The following NPAS3 variants were observed in gnomAD, a reference collection of about 807,000 sequenced individuals.
NPAS3 encodes neuronal PAS domain-containing protein 3.
In NPAS3, 14 loss-of-function variants were observed where a neutral mutation model predicts 73.1. The ratio of observed to expected loss-of-function variants is 0.19; its 90% CI spans 0.13 to 0.30. NPAS3 has a LOEUF of 0.30. NPAS3 is among the 10% of genes least tolerant of loss of function. NPAS3 has a pLI of 1.00. For synonymous variants in NPAS3, 620 were observed against 541.5 expected (o/e 1.14, Z -2.01); for missense variants, 1,096 against 1,250.0 (o/e 0.88, Z 1.86).
intron 2 of NPAS3, among the ~76,000 whole-genome samples, chr14:33,067,714 T>C (rs922350693): frequency 3.2e-4 from 48 of 152,328 alleles, no homozygotes; most frequent in African/African-American, 1.2e-3. Flanking sequence ...AGCTCGGGTG[T>C]AACATGGCTG....
chr14:33,271,676 G>C lies in NPAS3; in HGVS notation c.385+56250G>C, dbSNP rs929246796. Among the ~76,000 whole-genome samples the C allele has an allele frequency of 1.2e-4, 18 of 151,980 alleles. 1 individual carries two copies. Among genetic ancestry groups the C allele is most frequent in the African/African-American group, 3.9e-4 (16 of 41,366 alleles). On this transcript the variant is annotated intron_variant, in intron 3 of 11. Transcript: ENST00000356141. Reference sequence around the variant, plus strand: ...CCTGATTTTAAAAAATTCCTCCCTGGTTTGCTTGCTCTACCATCTGGTTCC... The same window carrying C: ...CCTGATTTTAAAAAATTCCTCCCTGCTTTGCTTGCTCTACCATCTGGTTCC...
At chr14:33,053,330 T>C (rs1321346605) in intron 1 of NPAS3, among the ~76,000 whole-genome samples, 2 of 152,248 alleles carry the variant, frequency 1.3e-5, no homozygotes, top group African/African-American at 4.8e-5. Context: ...TGACTTCTTG[T>C]AACTAATTAT....
intron 2 of NPAS3, among the ~76,000 whole-genome samples, chr14:33,101,233 C>A (rs1336063747): frequency 2.0e-5 from 3 of 152,050 alleles, no homozygotes; most frequent in Admixed American, 2.0e-4. Flanking sequence ...AGTCTCTTCC[C>A]TTATTCAAAA....
Position 33,476,196 on chromosome 14 carries a change from T to C in NPAS3, c.469-83925T>C, listed in dbSNP as rs868283863. Among the ~76,000 whole-genome samples, 10 of 152,262 alleles carry C rather than the reference T, an allele frequency of 6.6e-5. No individual in the cohort carries two copies. In the South Asian group the frequency reaches 1.9e-3, roughly 28 times the overall value. ...AGAAAGAGAAATCTTGTTGTCAAGA[T>C]TGACCATTCAACATAAAGTTTGAAC... On this transcript the variant is annotated intron_variant, in intron 4 of 11. Coordinates refer to ENST00000356141, the Ensembl canonical transcript of NPAS3.
In NPAS3 at chr14:33,264,323, A is replaced by C. The variant is rs144283652; in HGVS notation, c.385+48897A>C. ...GCATTAGGAGATATACCTAATGTAA[A>C]TGATGAGTTAATGGGTGCAGCACAC... On this transcript the variant is annotated intron_variant, in intron 3 of 11. Transcript: ENST00000356141. 0.013 allele frequency among the ~76,000 whole-genome samples: 1,912 copies of C among 152,222 alleles called. 71 individuals carry two copies. In the East Asian group the frequency reaches 0.14, roughly 11 times the overall value.
intron 3 of NPAS3, among the ~76,000 whole-genome samples, chr14:33,279,939 C>G (rs2041520293): frequency 6.6e-6 from 1 of 151,868 alleles, no homozygotes; most frequent in Non-Finnish European, 1.5e-5. Flanking sequence ...CCTGTGAGAC[C>G]CAAAGATAGA....
intron 1 of NPAS3, among the ~76,000 whole-genome samples, chr14:33,003,734 A>C (rs546546452): frequency 6.6e-6 from 1 of 152,264 alleles, no homozygotes; most frequent in Non-Finnish European, 1.5e-5. Context: ...AGGGGAAAAT[A>C]CAAAGCATTG....
intron 3 of NPAS3, among the ~76,000 whole-genome samples, chr14:33,305,590 A>G (rs1314865951): frequency 6.6e-6 from 1 of 152,144 alleles, no homozygotes; most frequent in Non-Finnish European, 1.5e-5. Flanking sequence ...TATTTACTAT[A>G]CCTAGTATAT....
chr14:33,203,408 G>A (rs1715851905), intron 2 of NPAS3, among the ~76,000 whole-genome samples: 1 of 151,990 alleles, frequency 6.6e-6, no homozygotes. Flanking sequence ...ATGTATACAT[G>A]TGCCATGTAT....
chr14:33,796,695 G>C (rs926517043), intron 10 of NPAS3, among the ~76,000 whole-genome samples: 4 of 152,152 alleles, frequency 2.6e-5, no homozygotes, highest in African/African-American at 9.7e-5. Flanking sequence ...CCAGAAGACA[G>C]GTCAAACTGA....
intron 3 of NPAS3, among the ~76,000 whole-genome samples, chr14:33,303,598 T>C (rs1275605075): frequency 2.0e-5 from 3 of 152,208 alleles, no homozygotes; most frequent in African/African-American, 7.2e-5. Flanking sequence ...CATTTTTCAT[T>C]ATTAGCAAGC....
chr14:33,405,166 G>A (rs1306011589), intron 4 of NPAS3, among the ~76,000 whole-genome samples: 2 of 152,026 alleles, frequency 1.3e-5, no homozygotes, highest in African/African-American at 4.8e-5. Flanking sequence ...TGTTGCTGCA[G>A]CTCTCTGTCT....
chr14:33,154,231 G>A (rs1429357645), intron 2 of NPAS3, among the ~76,000 whole-genome samples: 1 of 152,194 alleles, frequency 6.6e-6, no homozygotes, highest in Admixed American at 6.5e-5. Flanking sequence ...TATATTGACA[G>A]CTATGCTGAT....
chr14:33,428,299 A>G lies in NPAS3; in HGVS notation c.468+61031A>G, dbSNP rs554253274. Among the ~76,000 whole-genome samples, 163 of 152,224 alleles carry G rather than the reference A, an allele frequency of 1.1e-3. 3 individuals carry two copies. In the South Asian group the frequency reaches 0.032, roughly 30 times the overall value. ...CTTCATCTGTACAATGAGAATACTT[A>G]TATCTATTTCATAGTATTATTAGAA... On this transcript the variant is annotated intron_variant, in intron 4 of 11. Coordinates refer to ENST00000356141, the Ensembl canonical transcript of NPAS3.
chr14:33,169,034 A>G (rs2045283486), intron 2 of NPAS3, among the ~76,000 whole-genome samples: 1 of 152,234 alleles, frequency 6.6e-6, no homozygotes, highest in African/African-American at 2.4e-5. Context: ...AGAACACTTC[A>G]TAAGAGCATG....
chr14:33,488,770 A>T (rs921839181), intron 4 of NPAS3, among the ~76,000 whole-genome samples: 1 of 152,176 alleles, frequency 6.6e-6, no homozygotes, highest in Non-Finnish European at 1.5e-5. Flanking sequence ...CTGGGTGTGC[A>T]CAGAGCTGGC....
intron 5 of NPAS3, among the ~76,000 whole-genome samples, chr14:33,621,524 A>G (rs770323885): frequency 1.1e-4 from 16 of 152,188 alleles, no homozygotes; most frequent in Non-Finnish European, 2.1e-4. Context: ...GGAGGAATCT[A>G]ATTTTATTAA....
intron 9 of NPAS3, among the ~76,000 whole-genome samples, chr14:33,783,841 A>G (rs2063059141): frequency 6.6e-6 from 1 of 152,230 alleles, no homozygotes; most frequent in Non-Finnish European, 1.5e-5. Flanking sequence ...GCTGACTCGT[A>G]TTCATGTGAA....
intron 6 of NPAS3, among the ~76,000 whole-genome samples, chr14:33,679,566 G>A (rs780092401): frequency 5.3e-5 from 8 of 152,064 alleles, no homozygotes; most frequent in Non-Finnish European, 1.0e-4. Context: ...TTTTTTAAAC[G>A]GTGTAATTTA....
Sources: gnomAD v4.1 joint callset for allele counts (sites outside exome capture counted in the v4.1 genomes callset) on GRCh38, gnomAD v4.1.1 for gene constraint, MANE v1.5 for transcripts, NCBI Gene and HGNC (gene_info 2026-07-23, HGNC 2026-07-21) for gene names.